GFER: variants seen among roughly 807,000 people sequenced by gnomAD.
The protein encoded by GFER is FAD-linked sulfhydryl oxidase ALR.
A neutral mutation model predicts 18.2 loss-of-function variants in GFER; 24 were observed. The ratio of observed to expected loss-of-function variants is 1.32; its 90% CI spans 0.96 to 1.86. The LOEUF (loss-of-function observed/expected upper bound fraction) is 1.86. Among genes scored for constraint, GFER ranks in the 40% most tolerant of loss-of-function variants. GFER has a pLI of 0.00. For missense variants in GFER, 316 were observed against 295.6 expected, an observed-to-expected ratio of 1.07 and a Z score of -0.51; for synonymous variants, 138 against 126.9, an observed-to-expected ratio of 1.09 and a Z score of -0.59.
intron 2 of GFER, 166 bp downstream of exon 2, chr16:1,985,109 C>T (rs1039357489): frequency 3.0e-6 from 2 of 675,908 alleles, no homozygotes; most frequent in Non-Finnish European, 2.7e-6. Context: ...TGAGCCTCCT[C>T]CTCTCGTCTC....
chr16:1,985,770 G>C (rs758891047), intron 2 of GFER, 96 bp from the exon 3 acceptor site: 2 of 1,151,126 alleles, frequency 1.7e-6, no homozygotes, highest in Non-Finnish European at 2.6e-6. Context: ...GTTCACAGCA[G>C]TGCCCCAGCT....
chr16:1,984,777 C>T lies in GFER; in HGVS notation c.289C>T (p.Pro97Ser). The change falls in exon 2 of 3, where the codon CCG (proline) becomes TCG (serine). Residue 97 changes from proline to serine, a missense_variant. Transcript: ENST00000248114. ...RDTKFREDCP[P>S]DREELGRHSW... ...CACCAAGTTTAGGGAGGACTGCCCG[C>T]CGGATCGCGAGGAACTGGGCCGCCA... 1 of 1,611,450 alleles carries T rather than the reference C, an allele frequency of 6.2e-7. No homozygotes were observed. Among genetic ancestry groups the T allele is most frequent in the Non-Finnish European group, 8.5e-7 (1 of 1,179,988 alleles).
intron 2 of GFER, 37 bp downstream of exon 2, chr16:1,984,980 G>C (rs764697486): frequency 2.1e-5 from 31 of 1,505,968 alleles, no homozygotes; most frequent in Non-Finnish European, 2.9e-5. Flanking sequence ...CTTTGCACTG[G>C]AGCCTGGGCC....
At chr16:1,985,543 G>A (rs1426591727) in intron 2 of GFER, among the ~76,000 whole-genome samples, 1 of 152,250 alleles carries the variant, frequency 6.6e-6, no homozygotes, top group South Asian at 2.1e-4. Flanking sequence ...TCTGCCTGAG[G>A]CCAGGGACAC....
In GFER at chr16:1,984,817, T is replaced by C. The variant is rs947853655; in HGVS notation, c.329T>C (p.Leu110Pro). The change falls in exon 2 of 3, where the codon CTC (leucine) becomes CCC (proline). Residue 110 changes from leucine (L) to proline (P), a missense_variant. Physicochemically the swap from Leu to Pro is moderately conservative, Grantham distance 98. Transcript: ENST00000248114. ...CTGGGCCGCCACAGCTGGGCTGTCC[T>C]CCACACCCTGGCCGCCTACTACCCC... Reference protein sequence around the residue: ...EELGRHSWAVLHTLAAYYPDL... With the variant: ...EELGRHSWAVPHTLAAYYPDL... 6.2e-7 allele frequency: 1 copy of C among 1,613,370 alleles called. No homozygotes were observed. Among genetic ancestry groups the C allele is most frequent in the Non-Finnish European group, 8.5e-7 (1 of 1,179,912 alleles).
At chr16:1,985,267 G>A (rs990189050) in intron 2 of GFER, among the ~76,000 whole-genome samples, 1 of 152,232 alleles carries the variant, frequency 6.6e-6, no homozygotes, top group African/African-American at 2.4e-5. Flanking sequence ...TCTAGAGTAG[G>A]ACTTCTGGTT....
chr16:1,985,951 C>T lies in GFER; in HGVS notation c.541C>T (p.Leu181=), dbSNP rs1597064107. The change falls in exon 3 of 3, where the codon CTG becomes TTG. Residue 181 remains leucine (L), a synonymous_variant. Transcript: ENST00000248114. ...CHLHNEVNRK[L]GKPDFDCSKV... is the part of the protein sequence containing the mutation. ...CCTGCACAATGAAGTGAACCGCAAG[C>T]TGGGCAAGCCTGACTTCGACTGCTC... is the stretch of plus-strand genomic sequence containing the variant. The T allele has an allele frequency of 1.2e-6, 2 of 1,613,138 alleles. No individual in the cohort carries two copies. Among genetic ancestry groups the T allele is most frequent in the Non-Finnish European group, 1.7e-6 (2 of 1,180,008 alleles).
rs2083568728 is a variant in GFER at position 1,986,562 on chromosome 16, C to T, written c.*534C>T. 9.9e-6 allele frequency: 2 copies of T among 202,178 alleles called. No homozygotes were observed. Among genetic ancestry groups the T allele is most frequent in the African/African-American group, 4.6e-5 (2 of 43,500 alleles). The allele number at this position is 202,178 out of a possible 1,614,324, so 12.5% of individuals were successfully genotyped here. ...TCTGAGGGTCCACCAGCCATCCTAC[C>T]CTCTCCCTGCCTGGCACATGCCTGC... On this transcript the variant is annotated 3_prime_UTR_variant, in exon 3 of 3. Coordinates refer to ENST00000248114, the MANE Select transcript of GFER (RefSeq NM_005262.3).
Position 1,985,783 on chromosome 16 carries a change from C to T in GFER, c.456-83C>T, listed in dbSNP as rs72766615. ...TAGTTCACAGCAGTGCCCCAGCTCTCCTTCCTTGACAGCAGACAGGGAACT... is the reference window on the plus strand; with the variant it reads ...TAGTTCACAGCAGTGCCCCAGCTCTTCTTCCTTGACAGCAGACAGGGAACT... On this transcript the variant is annotated intron_variant, in intron 2 of 2. Transcript: ENST00000248114. 0.19 allele frequency: 240,933 copies of T among 1,288,550 alleles called. 24,872 individuals carry two copies. Among genetic ancestry groups the T allele is most frequent in the South Asian group, 0.31 (25,867 of 84,562 alleles). 79.8% of individuals were successfully genotyped at this position (1,288,550 alleles called of 1,614,324 possible). A position where few individuals can be genotyped will look rare whatever the true frequency, so the allele number is the denominator to read the frequency against.
At chr16:1,984,695 G>A (rs1597063286) in intron 1 of GFER, 52 bp from the exon 2 acceptor site, 1 of 1,529,912 alleles carries the variant, frequency 6.5e-7, no homozygotes, top group African/African-American at 1.4e-5. Context: ...GGGGAGCTTT[G>A]GGCGCCTTTG....
At position 1,984,819 on chromosome 16, in the gene GFER, C is replaced by T; in HGVS notation, c.331C>T (p.His111Tyr). 6.2e-7 allele frequency: 1 copy of T among 1,613,380 alleles called. No individual in the cohort carries two copies. Among genetic ancestry groups the T allele is most frequent in the Non-Finnish European group, 8.5e-7 (1 of 1,179,908 alleles). ...GGGCCGCCACAGCTGGGCTGTCCTC[C>T]ACACCCTGGCCGCCTACTACCCCGA... Reference protein sequence around the residue: ...ELGRHSWAVLHTLAAYYPDLP... With the variant: ...ELGRHSWAVLYTLAAYYPDLP... Residue 111 changes from histidine (H) to tyrosine (Y), a missense_variant, in exon 2 of 3, where the codon CAC (histidine) becomes TAC (tyrosine). His to Tyr is a moderately conservative substitution (Grantham distance 83). Coordinates refer to ENST00000248114, the MANE Select transcript of GFER (RefSeq NM_005262.3).
rs776371765 is a variant in GFER at position 1,984,482 on chromosome 16, G to C, written c.258+6G>C. On this transcript the variant is annotated splice_donor_region_variant and intron_variant, in intron 1 of 2. Coordinates refer to ENST00000248114, the MANE Select transcript of GFER (RefSeq NM_005262.3). ...GGATGCGGACGCAGCAGAAGGTGCAGTTCCCTGCCCGATTTCTCCCAGCCC... is the reference window on the plus strand; with the variant it reads ...GGATGCGGACGCAGCAGAAGGTGCACTTCCCTGCCCGATTTCTCCCAGCCC... The C allele has an allele frequency of 1.3e-6, 2 of 1,557,606 alleles. No homozygotes were observed. Among genetic ancestry groups the C allele is most frequent in the Non-Finnish European group, 1.7e-6 (2 of 1,155,930 alleles).
intron 1 of GFER, 103 bp from the exon 2 acceptor site, chr16:1,984,643 CT>C: frequency 7.2e-7 from 1 of 1,384,128 alleles, no homozygotes; most frequent in Non-Finnish European, 1.0e-6. Flanking sequence ...GTCTGCAGGA[CT>C]TTGGCCGGAG....
In GFER at chr16:1,987,672, G is replaced by GC. The variant is rs372788926; in HGVS notation, c.*1652dup. 5.1e-3 allele frequency: 658 copies of GC among 127,970 alleles called. 1 individual carries two copies. Among genetic ancestry groups the GC allele is most frequent in the Middle Eastern group, 0.016 (4 of 258 alleles). The allele number at this position is 127,970 out of a possible 1,614,324, so 7.9% of individuals were successfully genotyped here. On this transcript the variant is annotated 3_prime_UTR_variant, in exon 3 of 3. Transcript: ENST00000248114. ...TCTGCTGTCCCTCCCCTGCCCCCCT[G>GC]CCCCCCCCACCGCCTTCCCTTTTTC... is the stretch of plus-strand genomic sequence containing the variant.
chr16:1,985,145 G>A (rs1242885554), intron 2 of GFER: 3 of 640,100 alleles, frequency 4.7e-6, no homozygotes, highest in African/African-American at 3.6e-5. Flanking sequence ...GGGATCTGCT[G>A]CTGGGTACTG....
In GFER at chr16:1,986,026, TAGAGGGTGGTCAGCC is replaced by T; in HGVS notation, c.*3_*17del. ...CGGCTGGAAGGATGGCTCCTGTGAC[TAGAGGGTGGTCAGCC>T]AGAGCTCATGGGACAGCTAGCCAGG... On this transcript the variant is annotated stop_retained_variant and 3_prime_UTR_variant, in exon 3 of 3. Coordinates refer to ENST00000248114, the MANE Select transcript of GFER (RefSeq NM_005262.3). 1 of 1,612,498 alleles carries T rather than the reference TAGAGGGTGGTCAGCC, an allele frequency of 6.2e-7. No homozygotes were observed. Among genetic ancestry groups the T allele is most frequent in the Non-Finnish European group, 8.5e-7 (1 of 1,179,936 alleles).
At chr16:1,985,832 G>A (rs777572484) in intron 2 of GFER, 34 bp from the exon 3 acceptor site, 60 of 1,598,850 alleles carry the variant, frequency 3.8e-5, no homozygotes, top group African/African-American at 2.1e-4. Context: ...GAGCCGCTGC[G>A]TCCTCTCATT....
intron 1 of GFER, 49 bp downstream of exon 1, chr16:1,984,525 C>A: frequency 6.5e-7 from 1 of 1,534,588 alleles, no homozygotes; most frequent in African/African-American, 1.4e-5. Flanking sequence ...CCCCTGTCCC[C>A]GCCCCCGCCC....
Position 1,984,891 on chromosome 16 carries a change from T to C in GFER, c.403T>C (p.Leu135=). 6.2e-7 allele frequency: 1 copy of C among 1,613,784 alleles called. No homozygotes were observed. The highest frequency in any genetic ancestry group is 8.5e-7 in the Non-Finnish European group (1 of 1,179,986). The change falls in exon 2 of 3, where the codon TTA becomes CTA. Residue 135 remains leucine (L), a synonymous_variant. Coordinates refer to ENST00000248114, the MANE Select transcript of GFER (RefSeq NM_005262.3). ...GCAAGACATGGCCCAGTTCATACAT[T>C]TATTTTCTAAGTTTTACCCCTGTGA... ...QQQDMAQFIH[L]FSKFYPCEEC... is the part of the protein sequence containing the mutation.
Sources: gnomAD v4.1 joint callset for allele counts (sites outside exome capture counted in the v4.1 genomes callset) on GRCh38, gnomAD v4.1.1 for gene constraint, MANE v1.5 for transcripts, NCBI Gene and HGNC (gene_info 2026-07-23, HGNC 2026-07-21) for gene names.